STAG1: variants seen among roughly 807,000 people sequenced by gnomAD.
STAG1 encodes cohesin subunit SA-1.
Under a neutral mutation model 170.9 loss-of-function variants are expected in STAG1, and 26 were observed. That is an observed-to-expected ratio of 0.15 (90% CI 0.11 to 0.21). STAG1 has a LOEUF of 0.21. Ranked by LOEUF, STAG1 falls within the 10% of genes least tolerant of loss-of-function variation. The pLI is 1.00. For missense variants in STAG1, 964 were observed against 1,509.5 expected (o/e 0.64, Z 5.99); for synonymous variants, 514 against 497.7 (o/e 1.03, Z -0.44).
intron 1 of STAG1, among the ~76,000 whole-genome samples, chr3:136,692,517 C>T (rs1942760799): frequency 6.6e-6 from 1 of 151,822 alleles, no homozygotes; most frequent in Non-Finnish European, 1.5e-5. Context: ...TGCCTGTAAT[C>T]CCAGCTACTC....
intron 6 of STAG1, among the ~76,000 whole-genome samples, chr3:136,525,074 T>C (rs1471077105): frequency 6.6e-6 from 1 of 152,214 alleles, no homozygotes; most frequent in Admixed American, 6.5e-5. Flanking sequence ...GTTATGTCTC[T>C]GCCAGGCTTT....
chr3:136,675,621 A>G (rs1426587120), intron 1 of STAG1, among the ~76,000 whole-genome samples: 3 of 152,108 alleles, frequency 2.0e-5, no homozygotes, highest in South Asian at 4.1e-4. Context: ...ATATTCACCA[A>G]TTTGCATAAC....
At chr3:136,540,176 A>T (rs1935822256) in intron 6 of STAG1, among the ~76,000 whole-genome samples, 1 of 152,168 alleles carries the variant, frequency 6.6e-6, no homozygotes, top group Non-Finnish European at 1.5e-5. Flanking sequence ...ATTTAAACCA[A>T]GTTTCTCGGG....
At chr3:136,358,491 G>A (rs1936740635) in intron 27 of STAG1, among the ~76,000 whole-genome samples, 1 of 152,166 alleles carries the variant, frequency 6.6e-6, no homozygotes, top group Non-Finnish European at 1.5e-5. Context: ...CAAGCTGTGT[G>A]AGTTTACTAA....
intron 1 of STAG1, among the ~76,000 whole-genome samples, chr3:136,693,280 G>A (rs988702809): frequency 3.9e-5 from 6 of 152,176 alleles, no homozygotes; most frequent in South Asian, 2.1e-4. Context: ...TTCCAACACC[G>A]TGGCTGGTTG....
At chr3:136,601,770 G>C (rs549626478) in intron 4 of STAG1, among the ~76,000 whole-genome samples, 1 of 152,236 alleles carries the variant, frequency 6.6e-6, no homozygotes, top group East Asian at 1.9e-4. Flanking sequence ...CTGTGGGGCA[G>C]AAGTTGCAGT....
intron 5 of STAG1, among the ~76,000 whole-genome samples, chr3:136,544,044 C>G (rs1392452577): frequency 6.6e-6 from 1 of 152,116 alleles, no homozygotes; most frequent in Non-Finnish European, 1.5e-5. Flanking sequence ...TATCCCAAAA[C>G]CAGGGAAAGT....
At chr3:136,454,633 G>A (rs2089053313) in intron 13 of STAG1, among the ~76,000 whole-genome samples, 1 of 152,146 alleles carries the variant, frequency 6.6e-6, no homozygotes, top group African/African-American at 2.4e-5. Context: ...ACCTGCCTCG[G>A]CCTCCCAAAG....
chr3:136,639,185 G>GAAA (rs10681540), intron 1 of STAG1, among the ~76,000 whole-genome samples: 4 of 115,614 alleles, frequency 3.5e-5, no homozygotes, highest in African/African-American at 8.8e-5. Flanking sequence ...AAAGAAAAAA[G>GAAA]AAAAGAAAAA....
intron 3 of STAG1, among the ~76,000 whole-genome samples, chr3:136,604,897 A>G (rs1401016871): frequency 1.3e-5 from 2 of 152,092 alleles, no homozygotes; most frequent in African/African-American, 4.8e-5. Context: ...TGATTCGCCC[A>G]CCTTGGCCTT....
chr3:136,495,521 T>C (rs1053520999), intron 9 of STAG1, among the ~76,000 whole-genome samples: 9 of 152,150 alleles, frequency 5.9e-5, no homozygotes, highest in African/African-American at 1.7e-4. Flanking sequence ...CACGAACTTA[T>C]ATCAAGAATA....
intron 13 of STAG1, among the ~76,000 whole-genome samples, chr3:136,455,923 C>T (rs1370660617): frequency 1.3e-5 from 2 of 152,158 alleles, no homozygotes; most frequent in African/African-American, 4.8e-5. Flanking sequence ...TGAGAAAGAA[C>T]AGAAGTGCAG....
chr3:136,724,991 A>G (rs1933578143), intron 1 of STAG1, among the ~76,000 whole-genome samples: 3 of 152,208 alleles, frequency 2.0e-5, no homozygotes, highest in South Asian at 4.1e-4. Context: ...TATTTTAGAA[A>G]ATGAAATGCT....
intron 16 of STAG1, among the ~76,000 whole-genome samples, chr3:136,427,302 T>C (rs1161404149): frequency 6.6e-6 from 1 of 152,048 alleles, no homozygotes. Context: ...ACTACAATAA[T>C]ATTGTACACA....
At chr3:136,665,353 C>G (rs1033164982) in intron 1 of STAG1, among the ~76,000 whole-genome samples, 4 of 152,072 alleles carry the variant, frequency 2.6e-5, no homozygotes, top group African/African-American at 9.7e-5. Context: ...AAGATTTAGG[C>G]CCTTTATGAT....
chr3:136,574,430 T>C (rs531509167), intron 4 of STAG1, among the ~76,000 whole-genome samples: 1 of 152,266 alleles, frequency 6.6e-6, no homozygotes, highest in African/African-American at 2.4e-5. Context: ...TTATGGTTTA[T>C]GTTTGCATGG....
At chr3:136,584,802 A>C (rs1937727420) in intron 4 of STAG1, among the ~76,000 whole-genome samples, 1 of 152,176 alleles carries the variant, frequency 6.6e-6, no homozygotes, top group African/African-American at 2.4e-5. Context: ...TCCTCTCTGC[A>C]TCCAGTTAGG....
chr3:136,670,504 A>C (rs1431858661), intron 1 of STAG1, among the ~76,000 whole-genome samples: 1 of 152,188 alleles, frequency 6.6e-6, no homozygotes, highest in Non-Finnish European at 1.5e-5. Flanking sequence ...AGAGAAGGAC[A>C]GAATCTCACT....
intron 23 of STAG1, among the ~76,000 whole-genome samples, chr3:136,371,783 G>A (rs1270131362): frequency 1.3e-5 from 2 of 152,150 alleles, no homozygotes; most frequent in Non-Finnish European, 2.9e-5. Context: ...TTGAAGTCAG[G>A]TAGCATGATG....
Sources: allele counts gnomAD v4.1 joint callset (sites outside exome capture counted in the v4.1 genomes callset), GRCh38; gene constraint gnomAD v4.1.1; transcripts MANE v1.5; gene names NCBI Gene and HGNC (gene_info 2026-07-23, HGNC 2026-07-21).